Variants in IGF1R observed in about 807,000 individuals in gnomAD.
IGF1R encodes the protein insulin-like growth factor 1 receptor.
IGF1R carries 44 observed loss-of-function variants against 144.6 expected under a neutral mutation model. That is an observed-to-expected ratio of 0.30 (90% CI 0.24 to 0.39). The LOEUF is 0.39. Among genes scored for constraint, IGF1R ranks in the 10% least tolerant of loss-of-function variants. The pLI is 1.00. For synonymous variants in IGF1R, 795 were observed against 722.8 expected, an observed-to-expected ratio of 1.10 and a Z score of -1.60; for missense variants, 1,355 against 1,833.7, an observed-to-expected ratio of 0.74 and a Z score of 4.77.
intron 10 of IGF1R, among the ~76,000 whole-genome samples, chr15:98,918,912 C>A (rs1467749791): frequency 6.6e-6 from 1 of 151,936 alleles, no homozygotes; most frequent in Non-Finnish European, 1.5e-5. Flanking sequence ...GTGAGAAGGG[C>A]CTGCGAGGCC....
intron 2 of IGF1R, among the ~76,000 whole-genome samples, chr15:98,871,377 C>G (rs1201224911): frequency 6.6e-6 from 1 of 152,246 alleles, no homozygotes; most frequent in African/African-American, 2.4e-5. Flanking sequence ...ACCTCCATCT[C>G]AGCCCAGTAA....
intron 2 of IGF1R, among the ~76,000 whole-genome samples, chr15:98,854,150 G>C (rs914041955): frequency 1.4e-4 from 21 of 152,326 alleles, no homozygotes; most frequent in African/African-American, 4.6e-4. Context: ...GAGTGTCAGA[G>C]CTGGTGCAGA....
At chr15:98,701,950 G>A (rs1226721303) in intron 1 of IGF1R, among the ~76,000 whole-genome samples, 1 of 150,952 alleles carries the variant, frequency 6.6e-6, no homozygotes, top group Admixed American at 6.6e-5. Flanking sequence ...TTGCAGGTGA[G>A]GAAGATGGGG....
chr15:98,893,913 A>T (rs1206554575), intron 3 of IGF1R, among the ~76,000 whole-genome samples: 2 of 152,216 alleles, frequency 1.3e-5, no homozygotes, highest in South Asian at 2.1e-4. Flanking sequence ...ATTACTTTGA[A>T]ATATTTAATT....
chr15:98,852,862 C>A (rs919009148), intron 2 of IGF1R, among the ~76,000 whole-genome samples: 1 of 152,244 alleles, frequency 6.6e-6, no homozygotes, highest in Non-Finnish European at 1.5e-5. Flanking sequence ...CATCCCTGCC[C>A]TTATTCTGGC....
In IGF1R at chr15:98,964,287, A is replaced by G. The variant is rs2017341490; in HGVS notation, c.*6845A>G. ...TAAAATGACTTTCTGTGTATAAATT[A>G]TTCCTAAAAAATCCTGTTTATATAA... On this transcript the variant is annotated 3_prime_UTR_variant, in exon 21 of 21. Coordinates refer to ENST00000650285, the MANE Select transcript of IGF1R (RefSeq NM_000875.5). The G allele has an allele frequency of 4.3e-6, 1 of 232,522 alleles. No homozygotes were observed. The allele number at this position is 232,522 out of a possible 1,614,324, so 14.4% of individuals were successfully genotyped here. A position where few individuals can be genotyped will look rare whatever the true frequency, so the allele number is the denominator to read the frequency against.
intron 7 of IGF1R, 111 bp downstream of exon 7, chr15:98,911,552 C>T (rs1030340612): frequency 2.9e-6 from 4 of 1,401,428 alleles, no homozygotes; most frequent in Non-Finnish European, 4.0e-6. Context: ...AGCAGAGTCC[C>T]CAGGGAGAGC....
At chr15:98,903,537 C>G (rs1263843722) in intron 5 of IGF1R, among the ~76,000 whole-genome samples, 3 of 152,084 alleles carry the variant, frequency 2.0e-5, no homozygotes, top group Non-Finnish European at 2.9e-5. Flanking sequence ...CGGGATCCAC[C>G]CAAGAGAAAT....
At chr15:98,687,274 G>A (rs771837816) in intron 1 of IGF1R, among the ~76,000 whole-genome samples, 1 of 152,206 alleles carries the variant, frequency 6.6e-6, no homozygotes, top group Non-Finnish European at 1.5e-5. Flanking sequence ...AATGAGTGCA[G>A]TTGGGGTCCT....
intron 2 of IGF1R, among the ~76,000 whole-genome samples, chr15:98,822,779 G>A (rs1164961713): frequency 6.6e-6 from 1 of 152,196 alleles, no homozygotes; most frequent in African/African-American, 2.4e-5. Context: ...AGTTGCTCCA[G>A]CTTTTGGTGG....
chr15:98,929,506 G>T, intron 13 of IGF1R, 52 bp from the exon 14 acceptor site: 2 of 1,390,232 alleles, frequency 1.4e-6, no homozygotes, highest in South Asian at 1.2e-5. Flanking sequence ...GAAATGAAAT[G>T]AGCAAATTGT....
chr15:98,782,595 T>C (rs1022099672), intron 2 of IGF1R, among the ~76,000 whole-genome samples: 2 of 152,344 alleles, frequency 1.3e-5, no homozygotes, highest in African/African-American at 2.4e-5. Context: ...ACCTGCTCTT[T>C]ATGCATTTTT....
Position 98,673,481 on chromosome 15 carries a change from C to G in IGF1R, c.94+23806C>G, listed in dbSNP as rs371788616. 3.9e-3 allele frequency among the ~76,000 whole-genome samples: 587 copies of G among 152,336 alleles called. 3 individuals carry two copies. The highest frequency in any genetic ancestry group is 0.014 in the African/African-American group (565 of 41,586). ...CAATAATAGAAGTGGAAAGAAAAGA[C>G]TCAAATCCCTGGGCAGTGACTTTTT... On this transcript the variant is annotated intron_variant, in intron 1 of 20. Transcript: ENST00000650285.
chr15:98,751,018 T>C (rs1310885533), intron 2 of IGF1R, among the ~76,000 whole-genome samples: 1 of 152,110 alleles, frequency 6.6e-6, no homozygotes, highest in African/African-American at 2.4e-5. Flanking sequence ...CTCAAACTCC[T>C]GGCCTCAAGT....
chr15:98,931,398 A>G (rs1051239426), intron 15 of IGF1R, among the ~76,000 whole-genome samples: 1 of 152,210 alleles, frequency 6.6e-6, no homozygotes, highest in Non-Finnish European at 1.5e-5. Flanking sequence ...AACATAAGAA[A>G]ATACTTTAAT....
chr15:98,800,585 A>G (rs796851031), intron 2 of IGF1R, among the ~76,000 whole-genome samples: 1 of 152,174 alleles, frequency 6.6e-6, no homozygotes, highest in Non-Finnish European at 1.5e-5. Flanking sequence ...GCTGGGTGTT[A>G]GCGTTAGAAC....
chr15:98,828,835 C>G (rs749153388), intron 2 of IGF1R, among the ~76,000 whole-genome samples: 2 of 146,292 alleles, frequency 1.4e-5, no homozygotes, highest in Non-Finnish European at 3.0e-5. Flanking sequence ...TAGGGAATGC[C>G]TAATATGTAC....
intron 2 of IGF1R, among the ~76,000 whole-genome samples, chr15:98,756,463 A>AT (rs1304638982): frequency 6.6e-6 from 1 of 151,364 alleles, no homozygotes; most frequent in Non-Finnish European, 1.5e-5. Context: ...TCGCACAGTT[A>AT]TTTGTAATAT....
At chr15:98,876,080 C>G (rs1183116576) in intron 2 of IGF1R, among the ~76,000 whole-genome samples, 1 of 152,056 alleles carries the variant, frequency 6.6e-6, no homozygotes, top group African/African-American at 2.4e-5. Flanking sequence ...AACCGAATAC[C>G]TAAAACCAGG....
Sources: gnomAD v4.1 joint callset for allele counts (sites outside exome capture counted in the v4.1 genomes callset) on GRCh38, gnomAD v4.1.1 for gene constraint, MANE v1.5 for transcripts, NCBI Gene and HGNC (gene_info 2026-07-23, HGNC 2026-07-21) for gene names.